The following PPP1R12C variants were observed in gnomAD, a reference collection of about 807,000 sequenced individuals.
PPP1R12C encodes protein phosphatase 1 regulatory subunit 12C.
In PPP1R12C, 48 loss-of-function variants were observed where a neutral mutation model predicts 95.6. That is an observed-to-expected ratio of 0.50 (90% CI 0.40 to 0.64). The LOEUF is 0.64. PPP1R12C is among the 30% of genes least tolerant of loss of function. PPP1R12C has a pLI of 0.00. For missense variants in PPP1R12C, 1,057 were observed against 1,083.3 expected, an observed-to-expected ratio of 0.98 and a Z score of 0.34; for synonymous variants, 480 against 460.8, an observed-to-expected ratio of 1.04 and a Z score of -0.53.
rs1603006936 is a variant in PPP1R12C, at chr19:55,112,539, C to T, written c.499G>A (p.Gly167Arg). ...GANIAAVNSD[G>R]DLPLDLAESD... ...TCGGCCAGGTCCAGGGGCAGGTCCC[C>T]GTCACTGTTGACGGCGGCGATGTTG... is the stretch of plus-strand genomic sequence containing the variant. The change falls in exon 3 of 22, where the codon GGG (glycine) becomes AGG (arginine). Residue 167 changes from glycine to arginine, a missense_variant. Physicochemically the swap from Gly to Arg is moderately radical, Grantham distance 125 (BLOSUM62 -2). Transcript: ENST00000263433. The T allele has an allele frequency of 3.1e-6, 5 of 1,613,236 alleles. No individual in the cohort carries two copies. Among genetic ancestry groups the T allele is most frequent in the Middle Eastern group, 1.7e-4 (1 of 6,028 alleles).
chr19:55,115,850 C>G (rs1253148127), intron 1 of PPP1R12C, among the ~76,000 whole-genome samples: 1 of 152,158 alleles, frequency 6.6e-6, no homozygotes, highest in African/African-American at 2.4e-5. Context: ...AAGGTGGTCC[C>G]AGCTCGGGGA....
At chr19:55,107,666 C>CA (rs2085052941) in intron 3 of PPP1R12C, among the ~76,000 whole-genome samples, 1 of 133,376 alleles carries the variant, frequency 7.5e-6, no homozygotes, top group Non-Finnish European at 1.5e-5. Flanking sequence ...CACTTGGACA[C>CA]AGGAAGGGGA....
chr19:55,094,773 AAGG>A lies in PPP1R12C; in HGVS notation c.1477_1479del (p.Pro493del), dbSNP rs750235634. ...GAGGGAGGCGAGGAGTTCTCCAAGCAAGGAGGAGGCTTGGTGACCTCAGACCTG... is the reference window on the plus strand; with the variant it reads ...GAGGGAGGCGAGGAGTTCTCCAAGCAAGGAGGCTTGGTGACCTCAGACCTG... On this transcript the variant is annotated inframe_deletion, in exon 12 of 22. Coordinates refer to ENST00000263433, the MANE Select transcript of PPP1R12C (RefSeq NM_017607.4). 7.5e-6 allele frequency: 12 copies of A among 1,603,052 alleles called. No homozygotes were observed. Among genetic ancestry groups the A allele is most frequent in the Non-Finnish European group, 1.0e-5 (12 of 1,176,400 alleles).
chr19:55,104,382 G>A (rs1314589425), intron 3 of PPP1R12C, among the ~76,000 whole-genome samples: 1 of 151,270 alleles, frequency 6.6e-6, no homozygotes, highest in Non-Finnish European at 1.5e-5. Context: ...TGGTAATGGT[G>A]ATAAAATGTA....
In PPP1R12C at chr19:55,096,164, C is replaced by T; in HGVS notation, c.1040G>A (p.Arg347His). ...GGAAATCTTCTCGCGACTGCTCAGA[C>T]GACACACAGAGCTCCTGTTGGGGAA... The part of the protein sequence containing the change: ...SSKHRRSSVC[R>H]LSSREKISLQ... The change falls in exon 8 of 22, where the codon CGT becomes CAT. Residue 347 changes from arginine (R) to histidine (H), a missense_variant. By Grantham distance (29) the Arg-to-His change is conservative. Coordinates refer to ENST00000263433, the MANE Select transcript of PPP1R12C (RefSeq NM_017607.4). The T allele has an allele frequency of 6.2e-7, 1 of 1,605,456 alleles. No homozygotes were observed. Among genetic ancestry groups the T allele is most frequent in the East Asian group, 2.2e-5 (1 of 44,726 alleles).
At chr19:55,103,320 T>A (rs2084998337) in intron 4 of PPP1R12C, 89 bp downstream of exon 4, 1 of 1,272,778 alleles carries the variant, frequency 7.9e-7, no homozygotes, top group Non-Finnish European at 1.0e-6. Context: ...ATACATAGCC[T>A]TCGGTACATA....
chr19:55,095,261 C>G (rs758206735), intron 11 of PPP1R12C, 30 bp downstream of exon 11: 56 of 1,549,702 alleles, frequency 3.6e-5, no homozygotes, highest in African/African-American at 6.8e-5. Context: ...TGCCACCCAC[C>G]CCTGAGGGGC....
chr19:55,092,144 A>G, intron 19 of PPP1R12C, 78 bp downstream of exon 19: 2 of 1,336,312 alleles, frequency 1.5e-6, no homozygotes, highest in East Asian at 5.1e-5. Flanking sequence ...CCCCCAGGCC[A>G]GGCTCTACCT....
chr19:55,094,606 A>C (rs1272504115), intron 12 of PPP1R12C, 55 bp downstream of exon 12: 1 of 1,534,462 alleles, frequency 6.5e-7, no homozygotes, highest in Non-Finnish European at 8.7e-7. Context: ...CCTGCTTCAC[A>C]TCGTCTCTCC....
intron 1 of PPP1R12C, chr19:55,113,436 C>G (rs1025847174): frequency 4.0e-5 from 60 of 1,504,718 alleles, no homozygotes; most frequent in Non-Finnish European, 5.3e-5. Context: ...TTCACTGAGG[C>G]CCCCTCTGCA....
chr19:55,096,170 A>G lies in PPP1R12C; in HGVS notation c.1034T>C (p.Val345Ala). ...PSSSKHRRSS[V>A]CRLSSREKIS... ...CTTCTCGCGACTGCTCAGACGACAC[A>G]CAGAGCTCCTGTTGGGGAAGGAGAG... The change falls in exon 8 of 22, where the codon GTG (valine) becomes GCG (alanine). Residue 345 changes from valine (V) to alanine (A), a missense_variant. Val to Ala is a moderately conservative substitution (Grantham distance 64). Around this residue, in one of 5 missense-constraint regions of PPP1R12C, gnomAD observed 356 missense variants for 330.5 expected, o/e 1.08. Coordinates refer to ENST00000263433, the MANE Select transcript of PPP1R12C (RefSeq NM_017607.4). The G allele has an allele frequency of 6.2e-7, 1 of 1,606,410 alleles. No homozygotes were observed. Among genetic ancestry groups the G allele is most frequent in the Non-Finnish European group, 8.5e-7 (1 of 1,175,350 alleles).
At chr19:55,106,476 CA>C (rs1190915637) in intron 3 of PPP1R12C, among the ~76,000 whole-genome samples, 1 of 152,250 alleles carries the variant, frequency 6.6e-6, no homozygotes, top group African/African-American at 2.4e-5. Flanking sequence ...CCGCCCTTGT[CA>C]GCACTTGGAG....
chr19:55,113,699 G>C, intron 1 of PPP1R12C: 1 of 925,782 alleles, frequency 1.1e-6, no homozygotes, highest in Non-Finnish European at 1.4e-6. Context: ...GGAGGAGGCG[G>C]GAGGGAGCTA....
intron 3 of PPP1R12C, among the ~76,000 whole-genome samples, chr19:55,110,292 A>G (rs191123381): frequency 1.5e-4 from 22 of 150,334 alleles, no homozygotes; most frequent in East Asian, 3.9e-4. Flanking sequence ...AGGTTGGTGC[A>G]GTGGGTGAGA....
In PPP1R12C at chr19:55,108,224, C is replaced by T. The variant is rs151048212; in HGVS notation, c.571+4243G>A. The stretch of plus-strand genomic sequence containing the variant: ...GTGCTGGATTACAGGCCTGAGCCAC[C>T]GCGCCCAGCCTAAAATTTACCATTT... On this transcript the variant is annotated intron_variant, in intron 3 of 21. Coordinates refer to ENST00000263433, the MANE Select transcript of PPP1R12C (RefSeq NM_017607.4). 7.3e-3 allele frequency among the ~76,000 whole-genome samples: 1,104 copies of T among 152,130 alleles called. 5 individuals carry two copies. The highest frequency in any genetic ancestry group is 0.012 in the Admixed American group (176 of 15,292).
At chr19:55,095,030 T>C in intron 11 of PPP1R12C, 1 of 677,652 alleles carries the variant, frequency 1.5e-6, no homozygotes, top group Non-Finnish European at 2.5e-6. Context: ...AGCGGGAGGG[T>C]GTGCGTGTGC....
At chr19:55,093,340 G>GTCCAGGC in intron 13 of PPP1R12C, 107 bp from the exon 14 acceptor site, 1 of 141,612 alleles carries the variant, frequency 7.1e-6, no homozygotes, top group African/African-American at 4.3e-5. Flanking sequence ...AGACCCAGGA[G>GTCCAGGC]CCCAGACCCC....
At chr19:55,115,787 G>A (rs2085147156) in intron 1 of PPP1R12C, among the ~76,000 whole-genome samples, 1 of 152,202 alleles carries the variant, frequency 6.6e-6, no homozygotes, top group African/African-American at 2.4e-5. Context: ...GGGGTGGAGG[G>A]GACAGATAAA....
intron 19 of PPP1R12C, 68 bp from the exon 20 acceptor site, chr19:55,091,977 TCCTGCTGGGCA>T: frequency 6.3e-7 from 1 of 1,575,704 alleles, no homozygotes; most frequent in African/African-American, 1.4e-5. Context: ...GGTCCTAGGC[TCCTGCTGGGCA>T]CCCGCCCGCC....
Sources: allele counts gnomAD v4.1 joint callset (sites outside exome capture counted in the v4.1 genomes callset), GRCh38; gene constraint gnomAD v4.1.1; regional missense constraint gnomAD v4.1.1; transcripts MANE v1.5; gene names NCBI Gene and HGNC (gene_info 2026-07-23, HGNC 2026-07-21).